PPP1R13B: variants seen among roughly 807,000 people sequenced by gnomAD.
PPP1R13B encodes the protein protein phosphatase 1 regulatory subunit 13B.
A neutral mutation model predicts 119.8 loss-of-function variants in PPP1R13B; 44 were observed. That is an observed-to-expected ratio of 0.37 (90% CI 0.29 to 0.47). PPP1R13B has a LOEUF of 0.47. Ranked by LOEUF, PPP1R13B falls within the 20% of genes least tolerant of loss-of-function variation. The probability of loss-of-function intolerance (pLI) is 0.99; values close to 1 mark genes in which losing one functional copy is unlikely to be tolerated. For synonymous variants in PPP1R13B, 542 were observed against 561.5 expected (o/e 0.97, Z 0.49); for missense variants, 1,227 against 1,413.5 (o/e 0.87, Z 2.12).
At position 103,847,336 on chromosome 14, in the gene PPP1R13B, C is replaced by T; in HGVS notation, c.-29G>A. ...GGGGAGAGTCCGCGACGCCCTCGGC[C>T]GCCGCCTGACAGGACGCTCCGCGCC... is the stretch of plus-strand genomic sequence containing the variant. On this transcript the variant is annotated 5_prime_UTR_variant, in exon 1 of 17. Coordinates refer to ENST00000202556, the MANE Select transcript of PPP1R13B (RefSeq NM_015316.3). The T allele has an allele frequency of 8.1e-7, 1 of 1,233,650 alleles. No individual in the cohort carries two copies. The highest frequency in any genetic ancestry group is 1.8e-5 in the South Asian group (1 of 55,896). The allele number at this position is 1,233,650 out of a possible 1,614,324, so 76.4% of individuals were successfully genotyped here. A position where few individuals can be genotyped will look rare whatever the true frequency, so the allele number is the denominator to read the frequency against.
intron 4 of PPP1R13B, among the ~76,000 whole-genome samples, chr14:103,770,416 G>A (rs1401708273): frequency 2.6e-5 from 4 of 152,120 alleles, no homozygotes; most frequent in Admixed American, 2.6e-4. Flanking sequence ...GTGGGAGGCT[G>A]AGGCAGGAGA....
intron 4 of PPP1R13B, among the ~76,000 whole-genome samples, chr14:103,760,669 C>T (rs2084783121): frequency 6.6e-6 from 1 of 151,910 alleles, no homozygotes; most frequent in South Asian, 2.1e-4. Context: ...ATGTTCACTA[C>T]CTGAACTCTG....
chr14:103,842,301 C>CTT (rs34596421), intron 1 of PPP1R13B, among the ~76,000 whole-genome samples: 10,603 of 117,896 alleles, frequency 0.09, 754 homozygotes, highest in African/African-American at 0.16. Context: ...AGAGTGCCTT[C>CTT]TTTTTTTTTT....
intron 1 of PPP1R13B, among the ~76,000 whole-genome samples, chr14:103,824,637 G>A (rs1440503584): frequency 6.6e-6 from 1 of 151,570 alleles, no homozygotes; most frequent in African/African-American, 2.4e-5. Context: ...AGAGGTTGCA[G>A]TGAGCTGAGA....
intron 1 of PPP1R13B, among the ~76,000 whole-genome samples, chr14:103,830,308 C>A (rs1033339581): frequency 4.0e-5 from 6 of 151,854 alleles, no homozygotes; most frequent in African/African-American, 1.5e-4. Flanking sequence ...GTTGGCCAGG[C>A]TGGCCTCAAA....
intron 3 of PPP1R13B, among the ~76,000 whole-genome samples, chr14:103,781,187 C>A (rs900019223): frequency 2.0e-5 from 3 of 152,168 alleles, no homozygotes; most frequent in Non-Finnish European, 4.4e-5. Flanking sequence ...AAGTAAAAGG[C>A]AAGACTTTTT....
chr14:103,823,925 T>C (rs913546763), intron 1 of PPP1R13B, among the ~76,000 whole-genome samples: 1 of 151,872 alleles, frequency 6.6e-6, no homozygotes, highest in Admixed American at 6.6e-5. Flanking sequence ...TTTCAAACCC[T>C]TTCTACACCA....
At chr14:103,764,786 T>C (rs2084899086) in intron 4 of PPP1R13B, among the ~76,000 whole-genome samples, 1 of 152,190 alleles carries the variant, frequency 6.6e-6, no homozygotes, top group African/African-American at 2.4e-5. Context: ...CCAACAAAAC[T>C]TGTCATTTAT....
At chr14:103,845,883 G>T (rs1269254904) in intron 1 of PPP1R13B, among the ~76,000 whole-genome samples, 1 of 152,152 alleles carries the variant, frequency 6.6e-6, no homozygotes, top group Admixed American at 6.6e-5. Flanking sequence ...AAAATTCAAA[G>T]CCATATTAAG....
intron 1 of PPP1R13B, chr14:103,803,982 CTTACA>C (rs909286518): frequency 2.3e-5 from 21 of 901,772 alleles, no homozygotes; most frequent in Non-Finnish European, 2.7e-5. Context: ...GTACAACTTT[CTTACA>C]TTAAATTATC....
Position 103,742,596 on chromosome 14 carries a change from C to T in PPP1R13B, c.1320+58G>A, listed in dbSNP as rs1261085102. 1 of 1,576,580 alleles carries T rather than the reference C, an allele frequency of 6.3e-7. No individual in the cohort carries two copies. Among genetic ancestry groups the T allele is most frequent in the African/African-American group, 1.4e-5 (1 of 73,670 alleles). ...CATACCCTTTAGCTTAGTACTAAGG[C>T]AGAAGAGAGCCCTGTTGAAGAGCCC... On this transcript the variant is annotated intron_variant, in intron 10 of 16. Transcript: ENST00000202556. The surrounding 1 kb of genome is among the most constrained non-coding windows in gnomAD (Gnocchi z 4.9).
At chr14:103,783,671 C>A (rs2085387615) in intron 3 of PPP1R13B, among the ~76,000 whole-genome samples, 1 of 152,054 alleles carries the variant, frequency 6.6e-6, no homozygotes, top group Non-Finnish European at 1.5e-5. Context: ...CCCACCTCAG[C>A]CTCCCAAGTA....
chr14:103,841,354 G>A (rs373484321), intron 1 of PPP1R13B, among the ~76,000 whole-genome samples: 2 of 151,980 alleles, frequency 1.3e-5, no homozygotes, highest in African/African-American at 2.4e-5. Context: ...CTGAGAGGCC[G>A]AGGCGGGCAG....
chr14:103,753,484 G>A (rs2084598380), intron 6 of PPP1R13B, among the ~76,000 whole-genome samples: 1 of 152,210 alleles, frequency 6.6e-6, no homozygotes, highest in South Asian at 2.1e-4. Context: ...AAGGTTTTGT[G>A]AAGGCAGGGC....
At chr14:103,793,202 GAAAGGAAAGA>G (rs200139630) in intron 2 of PPP1R13B, among the ~76,000 whole-genome samples, 4,636 of 151,274 alleles carry the variant, frequency 0.031, 203 homozygotes, top group African/African-American at 0.095. Flanking sequence ...GAGAAGTGAG[GAAAGGAAAGA>G]AAAGGAAAGA....
At chr14:103,835,735 A>C (rs184219675) in intron 1 of PPP1R13B, among the ~76,000 whole-genome samples, 5 of 151,416 alleles carry the variant, frequency 3.3e-5, no homozygotes, top group Admixed American at 2.0e-4. Context: ...CAGCCTCCCA[A>C]GTAGCTGGGA....
chr14:103,771,510 C>T (rs2085068847), intron 4 of PPP1R13B, among the ~76,000 whole-genome samples: 2 of 138,214 alleles, frequency 1.4e-5, no homozygotes, highest in South Asian at 4.5e-4. Flanking sequence ...GATGAAGTCT[C>T]CCTCTTGTCC....
chr14:103,794,694 C>T (rs1028876077), intron 2 of PPP1R13B: 1 of 430,196 alleles, frequency 2.3e-6, no homozygotes, highest in East Asian at 7.3e-5. Context: ...GTAAGGGTTC[C>T]TCTAGGTAAA....
chr14:103,784,141 A>G (rs1394090699), intron 3 of PPP1R13B, among the ~76,000 whole-genome samples: 1 of 152,060 alleles, frequency 6.6e-6, no homozygotes, highest in Non-Finnish European at 1.5e-5. Flanking sequence ...GTGCCACTGT[A>G]CTCCAGCCTG....
Sources: allele counts gnomAD v4.1 joint callset (sites outside exome capture counted in the v4.1 genomes callset), GRCh38; gene constraint gnomAD v4.1.1; non-coding constraint Gnocchi (gnomAD v3.1); transcripts MANE v1.5; gene names NCBI Gene and HGNC (gene_info 2026-07-23, HGNC 2026-07-21).